AGMO: variants seen among roughly 807,000 people sequenced by gnomAD.
The protein encoded by AGMO is glyceryl-ether monooxygenase.
A neutral mutation model predicts 60.2 loss-of-function variants in AGMO; 75 were observed. That is an observed-to-expected ratio of 1.25 (90% CI 1.03 to 1.51). The LOEUF (loss-of-function observed/expected upper bound fraction) is 1.51, where lower values mean the gene tolerates loss of function less well. Ranked by LOEUF, AGMO falls within the 40% of genes most tolerant of loss-of-function variation. The pLI is 0.00. For synonymous variants in AGMO, 261 were observed against 177.1 expected, an observed-to-expected ratio of 1.47 and a Z score of -3.76; for missense variants, 763 against 525.5, an observed-to-expected ratio of 1.45 and a Z score of -4.42.
At chr7:15,199,943 A>G (rs149505849), downstream of AGMO, among the ~76,000 whole-genome samples, 58 of 152,280 alleles carry the variant, frequency 3.8e-4, no homozygotes, top group African/African-American at 1.3e-3. Flanking sequence ...CTCAGTTCAC[A>G]TAGACACCTG....
intron 12 of AGMO, among the ~76,000 whole-genome samples, chr7:15,236,177 T>C (rs1323307568): frequency 6.6e-6 from 1 of 152,144 alleles, no homozygotes; most frequent in African/African-American, 2.4e-5. Context: ...AATGATTCTG[T>C]AACTGAAGGC....
rs896253041 is a variant in AGMO, at chr7:15,363,258, C to T, written c.1263+2256G>A. Among the ~76,000 whole-genome samples the T allele has an allele frequency of 4.6e-5, 7 of 152,140 alleles. No individual in the cohort carries two copies. The East Asian group carries it at 9.6e-4, about 21-fold the overall frequency. On this transcript the variant is annotated intron_variant, in intron 12 of 12. Coordinates refer to ENST00000342526, the MANE Select transcript of AGMO (RefSeq NM_001004320.2). ...CTTCCCCACTTCTCATTCTAGCTGTCTCCAAACTTGACTTGGGGATCTCAA... is the reference window on the plus strand; with the variant it reads ...CTTCCCCACTTCTCATTCTAGCTGTTTCCAAACTTGACTTGGGGATCTCAA...
intron 12 of AGMO, among the ~76,000 whole-genome samples, chr7:15,351,444 T>C (rs1328726148): frequency 1.3e-5 from 2 of 152,176 alleles, no homozygotes; most frequent in African/African-American, 4.8e-5. Context: ...GAGAATTTGA[T>C]AGCATTTCTT....
At chr7:15,374,380 ATAAT>A (rs1239204355) in intron 10 of AGMO, among the ~76,000 whole-genome samples, 1 of 152,192 alleles carries the variant, frequency 6.6e-6, no homozygotes, top group Non-Finnish European at 1.5e-5. Context: ...CTAAAAAAGT[ATAAT>A]TAACATATAG....
chr7:15,539,476 CT>C lies in AGMO; in HGVS notation c.409+5295del, dbSNP rs1784565538. Reference sequence around the variant, plus strand: ...TTGCTGCAAAGGACATGATCTCTTTCTTTTTTATGACTGCATAGTATTCCAT... The same window carrying C: ...TTGCTGCAAAGGACATGATCTCTTTCTTTTTATGACTGCATAGTATTCCAT... On this transcript the variant is annotated intron_variant, in intron 3 of 12. Transcript: ENST00000342526. 9.4e-5 allele frequency among the ~76,000 whole-genome samples: 4 copies of C among 42,700 alleles called. No homozygotes were observed. The South Asian group carries it at 3.2e-3, about 34-fold the overall frequency. The allele number at this position is 42,700 out of a possible 152,430, so 28.0% of individuals were successfully genotyped here.
chr7:15,525,446 G>T (rs1028939472), intron 3 of AGMO, among the ~76,000 whole-genome samples: 1 of 151,956 alleles, frequency 6.6e-6, no homozygotes, highest in Non-Finnish European at 1.5e-5. Flanking sequence ...CCTTTGAGTG[G>T]TGTCTTTCAG....
chr7:15,393,997 A>G (rs560030506), intron 6 of AGMO, 116 bp downstream of exon 6: 3 of 523,172 alleles, frequency 5.7e-6, no homozygotes, highest in Non-Finnish European at 9.2e-6. Context: ...ACTATTATTT[A>G]TTTGTAAAAT....
At chr7:15,138,465 G>A in the AGMO span, among the ~76,000 whole-genome samples, 1 of 152,132 alleles carries the variant, frequency 6.6e-6, no homozygotes, top group Admixed American at 6.6e-5. Flanking sequence ...CTCAGACAAT[G>A]ATCTGCTGAA....
At chr7:15,185,480 G>T in the AGMO span, among the ~76,000 whole-genome samples, 1 of 152,128 alleles carries the variant, frequency 6.6e-6, no homozygotes, top group Non-Finnish European at 1.5e-5. Flanking sequence ...GAACGTGCTT[G>T]ACATCTCCTA....
intron 3 of AGMO, among the ~76,000 whole-genome samples, chr7:15,481,864 T>C (rs1278756949): frequency 6.6e-6 from 1 of 150,838 alleles, no homozygotes; most frequent in African/African-American, 2.4e-5. Context: ...GTATGTTCTC[T>C]GAACACACTG....
intron 12 of AGMO, among the ~76,000 whole-genome samples, chr7:15,279,345 C>G (rs1285704728): frequency 6.6e-6 from 1 of 152,180 alleles, no homozygotes; most frequent in East Asian, 1.9e-4. Context: ...TGAATTCCAG[C>G]ATGCTCTCTT....
chr7:15,231,028 C>A (rs918758126), intron 12 of AGMO, among the ~76,000 whole-genome samples: 5 of 152,140 alleles, frequency 3.3e-5, no homozygotes, highest in African/African-American at 1.2e-4. Flanking sequence ...CAGGGTGGCT[C>A]AGTTCTCTTT....
chr7:15,185,214 CAGTT>C, the AGMO span, among the ~76,000 whole-genome samples: 1 of 151,982 alleles, frequency 6.6e-6, no homozygotes, highest in African/African-American at 2.4e-5. Context: ...TGTTCCATTT[CAGTT>C]AAATATTGAT....
chr7:15,324,314 CGT>C (rs1055847685), intron 12 of AGMO, among the ~76,000 whole-genome samples: 9 of 152,146 alleles, frequency 5.9e-5, no homozygotes, highest in South Asian at 4.1e-4. Flanking sequence ...CCTGTCCCCA[CGT>C]GTTTGTCTCC....
At chr7:15,374,064 T>C (rs928431759) in intron 10 of AGMO, among the ~76,000 whole-genome samples, 10 of 152,214 alleles carry the variant, frequency 6.6e-5, no homozygotes, top group African/African-American at 2.4e-5. Context: ...GGATTTGTTA[T>C]GCTGAATCCG....
At chr7:15,226,137 G>A (rs756970510) in intron 12 of AGMO, among the ~76,000 whole-genome samples, 1 of 151,900 alleles carries the variant, frequency 6.6e-6, no homozygotes, top group Non-Finnish European at 1.5e-5. Flanking sequence ...GATTTTACTG[G>A]CTAAAATCTT....
chr7:15,208,347 A>G (rs1781492593), intron 12 of AGMO, among the ~76,000 whole-genome samples: 1 of 152,218 alleles, frequency 6.6e-6, no homozygotes, highest in South Asian at 2.1e-4. Flanking sequence ...GTATCTTAGT[A>G]AAGGTGTACT....
At chr7:15,307,028 G>A (rs933883723) in intron 12 of AGMO, among the ~76,000 whole-genome samples, 4 of 151,930 alleles carry the variant, frequency 2.6e-5, no homozygotes, top group Non-Finnish European at 4.4e-5. Flanking sequence ...ATTCAAAAAC[G>A]AAATAATTAT....
At chr7:15,518,056 G>A (rs1459315145) in intron 3 of AGMO, among the ~76,000 whole-genome samples, 5 of 152,138 alleles carry the variant, frequency 3.3e-5, no homozygotes, top group Admixed American at 6.5e-5. Flanking sequence ...CAGGAATTTC[G>A]GACTGGGCGG....
Sources: allele counts gnomAD v4.1 joint callset (sites outside exome capture counted in the v4.1 genomes callset), GRCh38; gene constraint gnomAD v4.1.1; transcripts MANE v1.5; gene names NCBI Gene and HGNC (gene_info 2026-07-23, HGNC 2026-07-21).